The following FAF2 variants were observed in gnomAD, a reference collection of about 807,000 sequenced individuals.
The protein encoded by FAF2 is FAS-associated factor 2.
Under a neutral mutation model 62.3 loss-of-function variants are expected in FAF2, and 9 were observed. The observed-to-expected ratio is 0.14, with a 90% CI of 0.09 to 0.25. FAF2 has a LOEUF of 0.25. FAF2 is among the 10% of genes least tolerant of loss of function. FAF2 has a pLI of 1.00. For missense variants in FAF2, 368 were observed against 556.2 expected, an observed-to-expected ratio of 0.66 and a Z score of 3.40; for synonymous variants, 202 against 198.0, an observed-to-expected ratio of 1.02 and a Z score of -0.17.
chr5:176,464,111 TTA>T (rs1758425182), intron 1 of FAF2, among the ~76,000 whole-genome samples: 2 of 152,138 alleles, frequency 1.3e-5, no homozygotes, highest in South Asian at 4.1e-4. Flanking sequence ...CTTCTTCCAC[TTA>T]TTCTTTTTTT....
At chr5:176,468,328 T>C (rs1758507211) in intron 1 of FAF2, among the ~76,000 whole-genome samples, 1 of 152,188 alleles carries the variant, frequency 6.6e-6, no homozygotes, top group African/African-American at 2.4e-5. Flanking sequence ...CTCATGCCTA[T>C]AATCCCAGCA....
At position 176,508,626 on chromosome 5, in the gene FAF2, A is replaced by AC. The variant is rs2113752647; in HGVS notation, c.*1678dup. Reference sequence around the variant, plus strand: ...TGGCCTTGGCATAGCTGTCTAGAACACCATCTCTAGGAAAATTTAATTCTG... The same window carrying AC: ...TGGCCTTGGCATAGCTGTCTAGAACACCCATCTCTAGGAAAATTTAATTCTG... On this transcript the variant is annotated 3_prime_UTR_variant, in exon 11 of 11. Coordinates refer to ENST00000261942, the MANE Select transcript of FAF2 (RefSeq NM_014613.3). The AC allele has an allele frequency of 6.6e-6, 1 of 152,306 alleles. No individual in the cohort carries two copies. Among genetic ancestry groups the AC allele is most frequent in the East Asian group, 1.9e-4 (1 of 5,186 alleles). 9.4% of individuals were successfully genotyped at this position (152,306 alleles called of 1,614,324 possible). A position where few individuals can be genotyped will look rare whatever the true frequency, so the allele number is the denominator to read the frequency against.
At chr5:176,479,642 CT>C (rs1461260618) in intron 2 of FAF2, among the ~76,000 whole-genome samples, 1 of 152,062 alleles carries the variant, frequency 6.6e-6, no homozygotes, top group Non-Finnish European at 1.5e-5. Flanking sequence ...TTAGCAAGAA[CT>C]TTAAAACACT....
chr5:176,491,287 A>G (rs540371085), intron 4 of FAF2, among the ~76,000 whole-genome samples: 2 of 152,316 alleles, frequency 1.3e-5, no homozygotes, highest in South Asian at 4.1e-4. Flanking sequence ...AACCCAAAGG[A>G]TAAATAAATG....
At chr5:176,505,233 G>T (rs1019757525) in intron 10 of FAF2, among the ~76,000 whole-genome samples, 5 of 152,160 alleles carry the variant, frequency 3.3e-5, no homozygotes, top group African/African-American at 1.2e-4. Flanking sequence ...CAGAATTGTT[G>T]TTAGAAGTAG....
intron 10 of FAF2, among the ~76,000 whole-genome samples, chr5:176,501,060 GA>G (rs1207571240): frequency 6.6e-6 from 1 of 152,040 alleles, no homozygotes; most frequent in Non-Finnish European, 1.5e-5. Context: ...CCGGGAGACG[GA>G]GGTAGCAGTG....
chr5:176,486,536 A>G (rs1758878460), intron 3 of FAF2, 47 bp downstream of exon 3: 2 of 1,597,698 alleles, frequency 1.3e-6, no homozygotes, highest in East Asian at 2.2e-5. Context: ...ATTTATAAGT[A>G]TATCCACTTG....
At chr5:176,475,835 C>T (rs568324969) in intron 1 of FAF2, among the ~76,000 whole-genome samples, 7 of 152,018 alleles carry the variant, frequency 4.6e-5, no homozygotes, top group African/African-American at 1.7e-4. Context: ...TTAGAATCAG[C>T]TGAGGAGCTT....
intron 1 of FAF2, among the ~76,000 whole-genome samples, chr5:176,454,617 T>C (rs929437498): frequency 1.4e-5 from 2 of 142,756 alleles, no homozygotes; most frequent in African/African-American, 5.2e-5. Context: ...AAAAATCTAA[T>C]AATACATGCT....
intron 1 of FAF2, among the ~76,000 whole-genome samples, chr5:176,451,871 C>CATATATATATAT (rs1561813588): frequency 7.6e-5 from 2 of 26,386 alleles, no homozygotes; most frequent in African/African-American, 1.5e-4. Flanking sequence ...TATATATATA[C>CATATATATATAT]ACACATATAT....
At chr5:176,449,386 C>T (rs555045362) in intron 1 of FAF2, among the ~76,000 whole-genome samples, 74 of 152,298 alleles carry the variant, frequency 4.9e-4, no homozygotes, top group African/African-American at 1.7e-3. Flanking sequence ...ACCACTCTGG[C>T]CAATATGGTG....
rs769428480 is a variant in FAF2 at position 176,494,008 on chromosome 5, G to A, written c.493G>A (p.Asp165Asn). The A allele has an allele frequency of 1.9e-6, 3 of 1,613,190 alleles. No individual in the cohort carries two copies. The highest frequency in any genetic ancestry group is 1.3e-5 in the African/African-American group (1 of 74,868). ...YQGTYSQALN[D>N]AKRELRFLLV... ...CTTCTCTTTCTCACAGGCACTTAAC[G>A]ATGCCAAAAGGGAGCTTCGCTTTCT... The change falls in exon 6 of 11, where the codon GAT becomes AAT. Residue 165 changes from aspartate to asparagine, a missense_variant. Coordinates refer to ENST00000261942, the MANE Select transcript of FAF2 (RefSeq NM_014613.3). The surrounding 1 kb of genome is among the most constrained non-coding windows in gnomAD (Gnocchi z 4.0).
In FAF2 at chr5:176,496,626, G is replaced by A. The variant is rs759660914; in HGVS notation, c.802G>A (p.Ala268Thr). The change falls in exon 8 of 11, where the codon GCT (alanine) becomes ACT (threonine). Residue 268 changes from alanine (A) to threonine (T), a missense_variant. By Grantham distance (58) the Ala-to-Thr change is moderately conservative. Coordinates refer to ENST00000261942, the MANE Select transcript of FAF2 (RefSeq NM_014613.3). ...TAACCAACTGACATTTATCATGGAT[G>A]CTAACCAGACTTACCTGGTGTCAGA... ...LINQLTFIMDANQTYLVSERL... is the reference protein window; with the variant it reads ...LINQLTFIMDTNQTYLVSERL... The A allele has an allele frequency of 3.7e-5, 59 of 1,608,128 alleles. No homozygotes were observed. The highest frequency in any genetic ancestry group is 9.4e-5 in the African/African-American group (7 of 74,570).
At chr5:176,460,411 G>C (rs1434823354) in intron 1 of FAF2, among the ~76,000 whole-genome samples, 1 of 151,488 alleles carries the variant, frequency 6.6e-6, no homozygotes, top group East Asian at 1.9e-4. Flanking sequence ...GTTATTTTTT[G>C]ACTTTTTAGT....
intron 1 of FAF2, among the ~76,000 whole-genome samples, chr5:176,466,408 C>T (rs562774685): frequency 1.3e-5 from 2 of 152,130 alleles, no homozygotes; most frequent in African/African-American, 2.4e-5. Flanking sequence ...ACCAACAAGC[C>T]AATTGGAATT....
At chr5:176,483,295 C>A (rs1325975714) in intron 2 of FAF2, among the ~76,000 whole-genome samples, 1 of 151,916 alleles carries the variant, frequency 6.6e-6, no homozygotes, top group Non-Finnish European at 1.5e-5. Context: ...TTTCTTTTGT[C>A]GCGTGTGCTT....
At chr5:176,506,717 G>A (rs1755691002) in intron 10 of FAF2, 51 bp from the exon 11 acceptor site, 19 of 1,457,734 alleles carry the variant, frequency 1.3e-5, no homozygotes, top group Non-Finnish European at 1.8e-5. Flanking sequence ...GTGTGTGTGT[G>A]TGTATTTCTG....
intron 1 of FAF2, among the ~76,000 whole-genome samples, chr5:176,451,692 T>C (rs1212258027): frequency 6.9e-6 from 1 of 145,202 alleles, no homozygotes; most frequent in African/African-American, 2.5e-5. Flanking sequence ...AGAAGTCAAG[T>C]ACACACATGA....
chr5:176,498,409 T>A (rs1432104631), intron 8 of FAF2, among the ~76,000 whole-genome samples: 1 of 148,184 alleles, frequency 6.7e-6, no homozygotes, highest in Non-Finnish European at 1.5e-5. Flanking sequence ...AACAGAAATT[T>A]GTTGGAGAGA....
Sources: gnomAD v4.1 joint callset for allele counts (sites outside exome capture counted in the v4.1 genomes callset) on GRCh38, gnomAD v4.1.1 for gene constraint, Gnocchi (gnomAD v3.1) non-coding constraint, MANE v1.5 for transcripts, NCBI Gene and HGNC (gene_info 2026-07-23, HGNC 2026-07-21) for gene names.